The following PDIA5 variants were observed in gnomAD, a reference collection of about 807,000 sequenced individuals.
The protein encoded by PDIA5 is protein disulfide isomerase family A member 5.
PDIA5 carries 58 observed loss-of-function variants against 77.6 expected under a neutral mutation model. The observed-to-expected ratio is 0.75, with a 90% confidence interval of 0.61 to 0.93. The LOEUF (loss-of-function observed/expected upper bound fraction) is 0.93. Among genes scored for constraint, PDIA5 ranks in the 40% least tolerant of loss-of-function variants. PDIA5 has a pLI of 0.00. For synonymous variants in PDIA5, 250 were observed against 252.1 expected (o/e 0.99, Z 0.08); for missense variants, 630 against 647.7 (o/e 0.97, Z 0.30).
chr3:123,067,379 C>A (rs2107896393), intron 1 of PDIA5, 173 bp downstream of exon 1: 1 of 543,172 alleles, frequency 1.8e-6, no homozygotes. Flanking sequence ...AGACAGCGGG[C>A]GTCCCGGTGC....
chr3:123,119,611 C>T (rs3804750), intron 8 of PDIA5, among the ~76,000 whole-genome samples: 8,967 of 152,280 alleles, frequency 0.059, 429 homozygotes, highest in Non-Finnish European at 0.078. Context: ...AGGGCTTACT[C>T]TGCAGGGGCA....
At chr3:123,154,329 C>T (rs149155450) in intron 14 of PDIA5, among the ~76,000 whole-genome samples, 1 of 152,272 alleles carries the variant, frequency 6.6e-6, no homozygotes, top group African/African-American at 2.4e-5. Context: ...AGCTCCTCTC[C>T]CTCTTACCCT....
chr3:123,160,217 A>G (rs1936126771), intron 15 of PDIA5, among the ~76,000 whole-genome samples: 1 of 151,320 alleles, frequency 6.6e-6, no homozygotes, highest in Admixed American at 6.6e-5. Context: ...CTTCCATAAC[A>G]CCTCTGTACT....
chr3:123,129,402 C>A lies in PDIA5; in HGVS notation c.774-1078C>A, dbSNP rs146087809. Among the ~76,000 whole-genome samples, 568 of 152,310 alleles carry A rather than the reference C, an allele frequency of 3.7e-3. 5 individuals are homozygous for A. Among genetic ancestry groups the A allele is most frequent in the East Asian group, 0.02 (104 of 5,186 alleles). The stretch of plus-strand genomic sequence containing the variant: ...AAGGGCCAGAGAGGGCTTCTGAAGG[C>A]GACATCATACCCGGCTGCGGAGGGA... On this transcript the variant is annotated intron_variant, in intron 10 of 16. Transcript: ENST00000316218.
intron 1 of PDIA5, among the ~76,000 whole-genome samples, chr3:123,079,544 A>G (rs1032894219): frequency 2.6e-5 from 4 of 152,200 alleles, no homozygotes; most frequent in Admixed American, 6.5e-5. Flanking sequence ...TTATTCTTCT[A>G]TTGAGTGGTT....
chr3:123,135,115 G>A (rs1935467969), intron 11 of PDIA5, among the ~76,000 whole-genome samples: 1 of 152,174 alleles, frequency 6.6e-6, no homozygotes, highest in Admixed American at 6.5e-5. Flanking sequence ...TTTTGTTTGT[G>A]TTTTTCTGCG....
intron 10 of PDIA5, among the ~76,000 whole-genome samples, 176 bp from the exon 11 acceptor site, chr3:123,130,304 C>T (rs1935341496): frequency 1.3e-5 from 2 of 152,218 alleles, no homozygotes; most frequent in African/African-American, 4.8e-5. Flanking sequence ...TGGGCAGGGC[C>T]ACACCACTCA....
chr3:123,124,623 C>T (rs932410520), intron 10 of PDIA5, among the ~76,000 whole-genome samples: 6 of 152,214 alleles, frequency 3.9e-5, no homozygotes, highest in Non-Finnish European at 8.8e-5. Context: ...CTCCCGTCTC[C>T]ACGGGTTGGA....
Position 123,087,664 on chromosome 3 carries a change from C to T in PDIA5, c.43-1504C>T, listed in dbSNP as rs1576436510. 2.6e-5 allele frequency among the ~76,000 whole-genome samples: 4 copies of T among 152,054 alleles called. No homozygotes were observed. In the South Asian group the frequency reaches 8.3e-4, roughly 32 times the overall value. The stretch of plus-strand genomic sequence containing the variant: ...CTGTTCTTTTAATTTTCTTTTTCTT[C>T]TACATTTCATCTTTCCATTGGTTTG... On this transcript the variant is annotated intron_variant, in intron 1 of 16. Transcript: ENST00000316218.
At chr3:123,157,469 A>G (rs1936046621) in intron 15 of PDIA5, among the ~76,000 whole-genome samples, 1 of 152,138 alleles carries the variant, frequency 6.6e-6, no homozygotes, top group Admixed American at 6.5e-5. Flanking sequence ...ATCCAGGCCC[A>G]GAGAGGAGCT....
intron 15 of PDIA5, 149 bp from the exon 16 acceptor site, chr3:123,161,172 T>C: frequency 1.3e-6 from 1 of 763,188 alleles, no homozygotes; most frequent in East Asian, 2.5e-5. Flanking sequence ...AGTCCTGAGC[T>C]GGGGGTGCTT....
chr3:123,130,667 A>G lies in PDIA5; in HGVS notation c.910+51A>G, dbSNP rs1935352327. On this transcript the variant is annotated intron_variant, in intron 11 of 16. Coordinates refer to ENST00000316218, the MANE Select transcript of PDIA5 (RefSeq NM_006810.4). ...TCCACACCCTCCCCTCTCTCAGAGTAGGATGAGTGTGGCGCTTTGCAATGT... is the reference window on the plus strand; with the variant it reads ...TCCACACCCTCCCCTCTCTCAGAGTGGGATGAGTGTGGCGCTTTGCAATGT... 3 of 1,596,494 alleles carry G rather than the reference A, an allele frequency of 1.9e-6. No homozygotes were observed. In the East Asian group the frequency reaches 6.7e-5, roughly 36 times the overall value.
Position 123,102,486 on chromosome 3 carries a change from C to T in PDIA5, c.333C>T (p.Phe111=). 2 of 1,612,040 alleles carry T rather than the reference C, an allele frequency of 1.2e-6. No homozygotes were observed. The highest frequency in any genetic ancestry group is 1.7e-4 in the Middle Eastern group (1 of 6,056). ...CGAAGGACAAAAAGGTTGAATTATT[C>T]CATTACCAGTAAGTACACATGGGCA... ...LSPKDKKVEL[F]HYQDGAFHTE... is the part of the protein sequence containing the mutation. Residue 111 remains phenylalanine (F), a synonymous_variant, in exon 4 of 17, where the codon TTC becomes TTT. Coordinates refer to ENST00000316218, the MANE Select transcript of PDIA5 (RefSeq NM_006810.4).
At chr3:123,107,028 G>A (rs978820654) in intron 6 of PDIA5, among the ~76,000 whole-genome samples, 187 bp downstream of exon 6, 3 of 152,122 alleles carry the variant, frequency 2.0e-5, no homozygotes, top group South Asian at 2.1e-4. Flanking sequence ...TGTAACCAGC[G>A]GTGATCACAG....
At position 123,124,102 on chromosome 3, in the gene PDIA5, GA is replaced by G; in HGVS notation, c.650del (p.Asn217ThrfsTer40). 1 of 1,614,116 alleles carries G rather than the reference GA, an allele frequency of 6.2e-7. No homozygotes were observed. Among genetic ancestry groups the G allele is most frequent in the Non-Finnish European group, 8.5e-7 (1 of 1,179,972 alleles). On this transcript the variant is annotated frameshift_variant, in exon 9 of 17. Transcript: ENST00000316218. LOFTEE classifies it high-confidence loss of function. ...AGMNVYSSEF[E>X]NIKEEYSVRG... ...GATGAATGTCTACTCCTCTGAATTT[GA>G]AAACATCAAGGAGGAGTACAGCGTG...
At chr3:123,104,805 T>G (rs1284236439) in intron 5 of PDIA5, among the ~76,000 whole-genome samples, 1 of 152,146 alleles carries the variant, frequency 6.6e-6, no homozygotes, top group African/African-American at 2.4e-5. Flanking sequence ...GAAGGCCAGA[T>G]GTGGTGTCAG....
intron 5 of PDIA5, among the ~76,000 whole-genome samples, chr3:123,105,486 C>T (rs992373691): frequency 6.6e-6 from 1 of 152,166 alleles, no homozygotes; most frequent in South Asian, 2.1e-4. Flanking sequence ...GTGGATCCGC[C>T]TTTTGCTGTG....
rs958116455 is a variant in PDIA5, at chr3:123,110,871, A to G, written c.481-73A>G. 6 of 1,183,882 alleles carry G rather than the reference A, an allele frequency of 5.1e-6. No individual in the cohort carries two copies. The South Asian group carries it at 7.3e-5, about 14-fold the overall frequency. 73.3% of individuals were successfully genotyped at this position (1,183,882 alleles called of 1,614,324 possible). A position where few individuals can be genotyped will look rare whatever the true frequency, so the allele number is the denominator to read the frequency against. On this transcript the variant is annotated intron_variant, in intron 6 of 16. Transcript: ENST00000316218. ...TACCCTTCACCCTGCTGTATGCAGG[A>G]GGGGCGGGGAGGGGGTCTCATCCTG...
chr3:123,078,846 T>C (rs1354600635), intron 1 of PDIA5, among the ~76,000 whole-genome samples: 2 of 152,188 alleles, frequency 1.3e-5, no homozygotes, highest in East Asian at 3.8e-4. Flanking sequence ...TTTAGTGCAT[T>C]ATATCAGGGG....
Sources: allele counts gnomAD v4.1 joint callset (sites outside exome capture counted in the v4.1 genomes callset), GRCh38; gene constraint gnomAD v4.1.1; transcripts MANE v1.5; gene names NCBI Gene and HGNC (gene_info 2026-07-23, HGNC 2026-07-21).